The following MVP variants were observed in gnomAD, a reference collection of about 807,000 sequenced individuals.
The protein encoded by MVP is lung resistance-related protein.
A neutral mutation model predicts 83.5 loss-of-function variants in MVP; 62 were observed. The observed-to-expected ratio is 0.74, with a 90% CI of 0.61 to 0.92. The LOEUF is 0.92. MVP is among the 40% of genes least tolerant of loss of function. The probability of loss-of-function intolerance (pLI) is 0.00; values close to 1 mark genes in which losing one functional copy is unlikely to be tolerated. For missense variants in MVP, 1,000 were observed against 1,203.4 expected, an observed-to-expected ratio of 0.83 and a Z score of 2.50; for synonymous variants, 505 against 504.1, an observed-to-expected ratio of 1.00 and a Z score of -0.02.
intron 7 of MVP, 92 bp from the exon 8 acceptor site, chr16:29,840,086 A>G (rs1421457540): frequency 1.5e-6 from 2 of 1,370,582 alleles, no homozygotes; most frequent in Non-Finnish European, 2.0e-6. Context: ...TGTCCTCCAC[A>G]CAGGCCTGAA....
chr16:29,821,358 G>A (rs2067358277), intron 1 of MVP: 1 of 152,214 alleles, frequency 6.6e-6, no homozygotes, highest in African/African-American at 2.4e-5. Context: ...TGGCTGTTTG[G>A]GCAGGACAGC....
intron 7 of MVP, among the ~76,000 whole-genome samples, chr16:29,839,801 AAAAAAAAG>A (rs1324353829): frequency 4.0e-5 from 6 of 151,018 alleles, no homozygotes; most frequent in African/African-American, 1.5e-4. Context: ...AAAAAAAAAA[AAAAAAAAG>A]GCAGAATCCA....
In MVP at chr16:29,841,597, T is replaced by C; in HGVS notation, c.1193T>C (p.Val398Ala). The C allele has an allele frequency of 6.3e-7, 1 of 1,595,132 alleles. No individual in the cohort carries two copies. Among genetic ancestry groups the C allele is most frequent in the Non-Finnish European group, 8.5e-7 (1 of 1,169,774 alleles). Residue 398 changes from valine to alanine, a missense_variant and splice_region_variant, in exon 9 of 15, where the codon GTG becomes GCG. Physicochemically the swap from Val to Ala is moderately conservative, Grantham distance 64. Transcript: ENST00000357402. The surrounding 1 kb of genome is among the most constrained non-coding windows in gnomAD (Gnocchi z 4.7). The part of the protein sequence containing the change: ...IYVQDVKTGK[V>A]RAVIGSTYML... ...TTCCCTCCCTGTCCTCGTCCCAAGG[T>C]GCGCGCTGTGATTGGAAGCACCTAC...
chr16:29,826,278 A>C (rs1260352581), intron 1 of MVP, among the ~76,000 whole-genome samples: 1 of 152,212 alleles, frequency 6.6e-6, no homozygotes, highest in Admixed American at 6.5e-5. Flanking sequence ...ATGAGGAAAC[A>C]GGCACAGGGT....
intron 7 of MVP, among the ~76,000 whole-genome samples, chr16:29,838,947 G>T (rs965009400): frequency 6.6e-6 from 1 of 152,190 alleles, no homozygotes; most frequent in Non-Finnish European, 1.5e-5. Flanking sequence ...AACACTTTAG[G>T]AGGCTGAGGT....
intron 6 of MVP, 55 bp downstream of exon 6, chr16:29,835,853 G>A (rs1432269366): frequency 6.9e-7 from 1 of 1,444,992 alleles, no homozygotes; most frequent in South Asian, 1.2e-5. Context: ...AACCCTCCGA[G>A]TGGCAGAGAA....
At chr16:29,831,477 C>A (rs1214996874) in intron 3 of MVP, among the ~76,000 whole-genome samples, 1 of 152,074 alleles carries the variant, frequency 6.6e-6, no homozygotes. Flanking sequence ...AAAGGGAAAA[C>A]AAACCAGGGC....
chr16:29,825,297 G>A (rs778994674), intron 1 of MVP, among the ~76,000 whole-genome samples: 4 of 152,172 alleles, frequency 2.6e-5, no homozygotes, highest in Non-Finnish European at 5.9e-5. Context: ...GTGGATCTGG[G>A]GAGCAGGGGC....
intron 1 of MVP, among the ~76,000 whole-genome samples, chr16:29,827,076 G>T (rs1395523114): frequency 5.3e-5 from 8 of 152,158 alleles, no homozygotes; most frequent in Non-Finnish European, 1.5e-5. Context: ...AAAAGACAAG[G>T]TCCCCATAAG....
chr16:29,824,692 G>T (rs983358380), intron 1 of MVP, among the ~76,000 whole-genome samples: 1 of 152,086 alleles, frequency 6.6e-6, no homozygotes, highest in Non-Finnish European at 1.5e-5. Flanking sequence ...TGGGAGGTAG[G>T]TGGACGTTGC....
At position 29,833,863 on chromosome 16, in the gene MVP, T is replaced by A; in HGVS notation, c.445+7T>A. 2 of 1,614,064 alleles carry A rather than the reference T, an allele frequency of 1.2e-6. No individual in the cohort carries two copies. Among genetic ancestry groups the A allele is most frequent in the Non-Finnish European group, 1.7e-6 (2 of 1,179,988 alleles). ...TGGCTTTTCGAGGGACCTGGTAAGT[T>A]CTGTCTCCATAGGGCTCCCTGCCTT... On this transcript the variant is annotated splice_region_variant and intron_variant, in intron 4 of 14. Coordinates refer to ENST00000357402, the MANE Select transcript of MVP (RefSeq NM_005115.5).
rs775364330 is a variant in MVP, at chr16:29,830,998, G to T, written c.246G>T (p.Arg82=). Residue 82 remains arginine (R), a synonymous_variant, in exon 3 of 15, where the codon CGG becomes CGT. Coordinates refer to ENST00000357402, the MANE Select transcript of MVP (RefSeq NM_005115.5). ...TGTTTGATGTCACAGGGCAAGTTCG[G>T]CTTCGCCACGCTGACCTCGAGATCC... The part of the protein sequence containing the change: ...LVLFDVTGQV[R]LRHADLEIRL... The T allele has an allele frequency of 6.2e-7, 1 of 1,613,938 alleles. No individual in the cohort carries two copies. Among genetic ancestry groups the T allele is most frequent in the South Asian group, 1.1e-5 (1 of 91,070 alleles).
chr16:29,847,302 G>A lies in MVP; in HGVS notation c.2371G>A (p.Glu791Lys). ...VSKAQQLAEV[E>K]VKKFKQMTEA... is the part of the protein sequence containing the mutation. ...CAAGGCTCAGCAGCTGGCTGAGGTG[G>A]AGGTGAAGAAGTTCAAGCAGATGAC... is the stretch of plus-strand genomic sequence containing the variant. The change falls in exon 14 of 15, where the codon GAG (glutamate) becomes AAG (lysine). Residue 791 changes from glutamate to lysine, a missense_variant. Glu to Lys is a moderately conservative substitution (Grantham distance 56). Coordinates refer to ENST00000357402, the MANE Select transcript of MVP (RefSeq NM_005115.5). 1 of 1,612,218 alleles carries A rather than the reference G, an allele frequency of 6.2e-7. No homozygotes were observed. The highest frequency in any genetic ancestry group is 1.7e-4 in the Middle Eastern group (1 of 6,048).
chr16:29,841,916 G>C lies in MVP; in HGVS notation c.1438G>C (p.Val480Leu). 1 of 1,612,106 alleles carries C rather than the reference G, an allele frequency of 6.2e-7. No individual in the cohort carries two copies. Residue 480 changes from valine (V) to leucine (L), a missense_variant and splice_region_variant, in exon 10 of 15, where the codon GTG (valine) becomes CTG (leucine). Coordinates refer to ENST00000357402, the MANE Select transcript of MVP (RefSeq NM_005115.5). This position sits in a 1 kb window ranked among gnomAD's most constrained non-coding sequence, Gnocchi z 4.7. ...VYDYREKRARVVFGPELVSLG... is the reference protein window; with the variant it reads ...VYDYREKRARLVFGPELVSLG... Reference sequence around the variant, plus strand: ...TCTGACCCTCGGCTGTCTCTGCAGCGTGGTCTTCGGGCCTGAGCTGGTGTC... The same window carrying C: ...TCTGACCCTCGGCTGTCTCTGCAGCCTGGTCTTCGGGCCTGAGCTGGTGTC...
intron 3 of MVP, chr16:29,833,532 A>G (rs2067461470): frequency 6.8e-6 from 3 of 438,190 alleles, no homozygotes; most frequent in African/African-American, 4.5e-5. Context: ...TGGTTCTTGA[A>G]TGTCTGAGGT....
chr16:29,843,329 A>T (rs1433673702), intron 10 of MVP, among the ~76,000 whole-genome samples: 1 of 150,654 alleles, frequency 6.6e-6, no homozygotes, highest in East Asian at 2.0e-4. Flanking sequence ...CTGTTTCAAA[A>T]AAAAAAAATT....
At chr16:29,834,376 A>T in intron 5 of MVP, 1 of 362,942 alleles carries the variant, frequency 2.8e-6, no homozygotes, top group Non-Finnish European at 5.4e-6. Flanking sequence ...TTCAAATACA[A>T]TTGACAAATG....
Position 29,836,708 on chromosome 16 carries a change from A to G in MVP, c.673-14A>G, listed in dbSNP as rs368424908. On this transcript the variant is annotated splice_polypyrimidine_tract_variant and intron_variant, in intron 6 of 14. Transcript: ENST00000357402. The stretch of plus-strand genomic sequence containing the variant: ...GAGGCAGGTCACTCAAATACCCAAC[A>G]TGTTGCTCTGCAGACAGCCCTGCAC... The G allele has an allele frequency of 4.8e-4, 739 of 1,544,920 alleles. No individual in the cohort carries two copies. Among genetic ancestry groups the G allele is most frequent in the Non-Finnish European group, 6.3e-4 (715 of 1,140,240 alleles).
intron 11 of MVP, 122 bp downstream of exon 11, chr16:29,845,001 C>T (rs1427251466): frequency 7.6e-7 from 1 of 1,320,902 alleles, no homozygotes; most frequent in Non-Finnish European, 1.0e-6. Flanking sequence ...GATCTATTCC[C>T]TACCCAACAG....
Sources: gnomAD v4.1 joint callset for allele counts (sites outside exome capture counted in the v4.1 genomes callset) on GRCh38, gnomAD v4.1.1 for gene constraint, Gnocchi (gnomAD v3.1) non-coding constraint, MANE v1.5 for transcripts, NCBI Gene and HGNC (gene_info 2026-07-23, HGNC 2026-07-21) for gene names.